Variants in CNST observed in about 807,000 individuals in gnomAD.
CNST encodes consortin, connexin sorting protein.
CNST carries 39 observed loss-of-function variants against 72.4 expected under a neutral mutation model. The ratio of observed to expected loss-of-function variants is 0.54; its 90% confidence interval spans 0.42 to 0.70. The LOEUF (loss-of-function observed/expected upper bound fraction) is 0.70. CNST is among the 30% of genes least tolerant of loss of function. The pLI, the probability that CNST is intolerant of heterozygous loss-of-function variation, is 0.00. For missense variants in CNST, 871 were observed against 868.5 expected (o/e 1.00, Z -0.04); for synonymous variants, 332 against 320.1 (o/e 1.04, Z -0.40).
In CNST at chr1:246,665,738, C is replaced by A; in HGVS notation, c.2011C>A (p.Leu671Met). The A allele has an allele frequency of 1.2e-5, 19 of 1,613,490 alleles. No individual in the cohort carries two copies. The highest frequency in any genetic ancestry group is 1.6e-5 in the Non-Finnish European group (19 of 1,180,030). Residue 671 changes from leucine to methionine, a missense_variant, in exon 11 of 11, where the codon CTG (leucine) becomes ATG (methionine). Coordinates refer to ENST00000366513, the MANE Select transcript of CNST (RefSeq NM_152609.3). ...GGGSCILLVL[L>M]CIATVFLSVG... is the part of the protein sequence containing the mutation. ...TGGCTCCTGTATTTTGCTGGTCTTGCTGTGCATAGCAACGGTTTTCCTCAG... is the reference window on the plus strand; with the variant it reads ...TGGCTCCTGTATTTTGCTGGTCTTGATGTGCATAGCAACGGTTTTCCTCAG...
intron 2 of CNST, among the ~76,000 whole-genome samples, chr1:246,598,439 G>A (rs895901540): frequency 1.3e-5 from 2 of 151,876 alleles, no homozygotes; most frequent in Non-Finnish European, 2.9e-5. Context: ...AGATGTACCT[G>A]TCCCTGCCCC....
chr1:246,587,802 A>G (rs1214968355), intron 1 of CNST, among the ~76,000 whole-genome samples: 1 of 152,232 alleles, frequency 6.6e-6, no homozygotes, highest in East Asian at 1.9e-4. Flanking sequence ...TCTTGAACCA[A>G]GCCCCATTGT....
chr1:246,627,705 A>G (rs1023628520), intron 3 of CNST, among the ~76,000 whole-genome samples: 1 of 152,152 alleles, frequency 6.6e-6, no homozygotes, highest in Non-Finnish European at 1.5e-5. Context: ...TAGACATGTA[A>G]AATTTGGATG....
At chr1:246,580,984 C>T (rs1018659233) in intron 1 of CNST, among the ~76,000 whole-genome samples, 3 of 152,166 alleles carry the variant, frequency 2.0e-5, no homozygotes, top group African/African-American at 7.2e-5. Context: ...AGTGATCCCC[C>T]CACCTTGGCT....
rs571673638 is a variant in CNST, at chr1:246,647,156, G to T, written c.955G>T (p.Gly319Cys). 9.3e-6 allele frequency: 15 copies of T among 1,610,074 alleles called. No homozygotes were observed. In the South Asian group the frequency reaches 1.7e-4, roughly 18 times the overall value. Residue 319 changes from glycine (G) to cysteine (C), a missense_variant, in exon 9 of 11, where the codon GGC (glycine) becomes TGC (cysteine). Physicochemically the swap from Gly to Cys is radical, Grantham distance 159 (BLOSUM62 -3). Transcript: ENST00000366513. ...ATCTTTAGAGAGTAAAACTTGTCTC[G>T]GCACAGAGTCAAGTAAAGAAAGCCA... is the stretch of plus-strand genomic sequence containing the variant. Reference protein sequence around the residue: ...TKESESKTCLGTESSKESQHT... With the variant: ...TKESESKTCLCTESSKESQHT...
intron 1 of CNST, among the ~76,000 whole-genome samples, chr1:246,585,577 C>T (rs1661086306): frequency 7.0e-6 from 1 of 143,578 alleles, no homozygotes. Flanking sequence ...AATCGGGAGG[C>T]AGAGGTTGCA....
intron 8 of CNST, among the ~76,000 whole-genome samples, chr1:246,644,906 G>C (rs141552517): frequency 6.6e-6 from 1 of 152,074 alleles, no homozygotes; most frequent in Non-Finnish European, 1.5e-5. Context: ...TTTTAACAGA[G>C]GGAGGGGCAG....
At chr1:246,608,347 T>A (rs1424827906) in intron 2 of CNST, among the ~76,000 whole-genome samples, 5 of 152,106 alleles carry the variant, frequency 3.3e-5, no homozygotes, top group African/African-American at 1.2e-4. Context: ...AACGTTTTTT[T>A]AAAAAAGAAG....
intron 8 of CNST, among the ~76,000 whole-genome samples, chr1:246,645,191 G>T (rs1359076387): frequency 6.6e-6 from 1 of 152,000 alleles, no homozygotes; most frequent in Non-Finnish European, 1.5e-5. Flanking sequence ...AAATCTGCAG[G>T]CAATGTTTCA....
At chr1:246,578,419 TC>T (rs1357491167) in intron 1 of CNST, among the ~76,000 whole-genome samples, 2 of 152,168 alleles carry the variant, frequency 1.3e-5, no homozygotes, top group East Asian at 3.9e-4. Context: ...ACGCCTGTAA[TC>T]CCAGCACTTT....
At chr1:246,625,236 T>G (rs928844185) in intron 3 of CNST, among the ~76,000 whole-genome samples, 8 of 152,128 alleles carry the variant, frequency 5.3e-5, no homozygotes, top group African/African-American at 1.4e-4. Context: ...CAGTGCAGGA[T>G]GGCATATTGC....
chr1:246,643,563 C>T (rs912451201), intron 8 of CNST, among the ~76,000 whole-genome samples: 4 of 152,190 alleles, frequency 2.6e-5, no homozygotes, highest in African/African-American at 9.7e-5. Context: ...ACTGAGGTAC[C>T]AAGTTTCAGT....
intron 9 of CNST, among the ~76,000 whole-genome samples, chr1:246,649,091 A>C (rs186983104): frequency 1.4e-4 from 21 of 150,654 alleles, no homozygotes; most frequent in Admixed American, 1.3e-3. Flanking sequence ...TTGGCTTACT[A>C]TTCATTCTCT....
Position 246,578,454 on chromosome 1 carries a change from T to G in CNST, c.-52+11791T>G, listed in dbSNP as rs903897272. Among the ~76,000 whole-genome samples, 6 of 151,786 alleles carry G rather than the reference T, an allele frequency of 4.0e-5. 1 individual carries two copies. The highest frequency in any genetic ancestry group is 1.3e-4 in the Admixed American group (2 of 15,248). On this transcript the variant is annotated intron_variant, in intron 1 of 10. Coordinates refer to ENST00000366513, the MANE Select transcript of CNST (RefSeq NM_152609.3). The stretch of plus-strand genomic sequence containing the variant: ...TTGGGAGGCTGAGGTGGGCGGATCA[T>G]GAGGTAGGAGATCGAGACCATCCTG...
intron 2 of CNST, among the ~76,000 whole-genome samples, chr1:246,595,338 C>T (rs1204938046): frequency 2.6e-5 from 4 of 152,166 alleles, no homozygotes; most frequent in African/African-American, 4.8e-5. Context: ...TCTCTCAGTA[C>T]GTATCCATCA....
chr1:246,608,032 G>C (rs887953959), intron 2 of CNST: 1 of 152,082 alleles, frequency 6.6e-6, no homozygotes. Context: ...AGTGAGCCGA[G>C]ATTGCACCAC....
At chr1:246,596,779 A>G (rs1236630964) in intron 2 of CNST, among the ~76,000 whole-genome samples, 1 of 152,158 alleles carries the variant, frequency 6.6e-6, no homozygotes, top group Non-Finnish European at 1.5e-5. Flanking sequence ...TACTTTTTCT[A>G]CAGATTTGTC....
chr1:246,659,444 A>T (rs1410114783), intron 9 of CNST, among the ~76,000 whole-genome samples: 2 of 152,096 alleles, frequency 1.3e-5, no homozygotes, highest in African/African-American at 2.4e-5. Context: ...AATACAAAAA[A>T]ATTAGCCGAG....
chr1:246,652,840 T>TA (rs1231380100), intron 9 of CNST, among the ~76,000 whole-genome samples: 1 of 150,052 alleles, frequency 6.7e-6, no homozygotes, highest in East Asian at 1.9e-4. Flanking sequence ...CCGTCTCTAC[T>TA]AAAAATACAA....
Sources: allele counts gnomAD v4.1 joint callset (sites outside exome capture counted in the v4.1 genomes callset), GRCh38; gene constraint gnomAD v4.1.1; transcripts MANE v1.5; gene names NCBI Gene and HGNC (gene_info 2026-07-23, HGNC 2026-07-21).